Variants in PTPRN2 observed in about 807,000 individuals in gnomAD.
PTPRN2 encodes receptor-type tyrosine-protein phosphatase N2.
A neutral mutation model predicts 118.8 loss-of-function variants in PTPRN2; 74 were observed. The ratio of observed to expected loss-of-function variants is 0.62; its 90% CI spans 0.52 to 0.76. The LOEUF (loss-of-function observed/expected upper bound fraction) is 0.76. PTPRN2 is among the 30% of genes least tolerant of loss of function. The pLI is 0.00. For missense variants in PTPRN2, 1,481 were observed against 1,394.4 expected, an observed-to-expected ratio of 1.06 and a Z score of -0.99; for synonymous variants, 641 against 608.0, an observed-to-expected ratio of 1.05 and a Z score of -0.80.
intron 2 of PTPRN2, among the ~76,000 whole-genome samples, chr7:158,352,228 T>TCCGCTCCCCTCCTGA (rs1808037495): frequency 1.3e-3 from 1 of 800 alleles, no homozygotes; most frequent in Admixed American, 8.1e-3. Context: ...TCCCCTCCTG[T>TCCGCTCCCCTCCTGA]CCGCTCCCCT....
At chr7:157,795,991 C>T (rs1804847127) in intron 12 of PTPRN2, among the ~76,000 whole-genome samples, 1 of 152,238 alleles carries the variant, frequency 6.6e-6, no homozygotes, top group East Asian at 1.9e-4. Flanking sequence ...TTGGGAGAGG[C>T]CCTATGGTGC....
chr7:158,523,487 T>C (rs748666501), intron 1 of PTPRN2, among the ~76,000 whole-genome samples: 13,366 of 69,294 alleles, frequency 0.19, 1,381 homozygotes, highest in South Asian at 0.35. Context: ...TGCCCTGGAG[T>C]GGAGTCGTCT....
chr7:158,071,450 C>CGTGGTGGAGGTGCTCGTG (rs753363067), intron 11 of PTPRN2, among the ~76,000 whole-genome samples: 1 of 26,868 alleles, frequency 3.7e-5, no homozygotes, highest in East Asian at 1.2e-3. Flanking sequence ...TGGAGGTGCT[C>CGTGGTGGAGGTGCTCGTG]GTGGTTGAGG....
At chr7:158,488,590 C>G (rs899558366) in intron 2 of PTPRN2, among the ~76,000 whole-genome samples, 38 of 152,342 alleles carry the variant, frequency 2.5e-4, no homozygotes, top group Admixed American at 1.7e-3. Flanking sequence ...CCTCGGCTCC[C>G]CCTGGATGCA....
rs1180300750 is a variant in PTPRN2 at position 157,785,962 on chromosome 7, C to G, written c.1789-103025G>C. Among the ~76,000 whole-genome samples, 2 of 150,464 alleles carry G rather than the reference C, an allele frequency of 1.3e-5. No homozygotes were observed. The highest frequency in any genetic ancestry group is 3.0e-5 in the Non-Finnish European group (2 of 67,794). On this transcript the variant is annotated intron_variant, in intron 12 of 22. Coordinates refer to ENST00000389418, the MANE Select transcript of PTPRN2 (RefSeq NM_002847.5). This position sits in a 1 kb window ranked among gnomAD's most constrained non-coding sequence, Gnocchi z 7.3. ...GCCGGGTGGGGATGGCTGCAGGGAC[C>G]CCCTGGGCCGGCTCTGGGTGCTGCT... is the stretch of plus-strand genomic sequence containing the variant.
intron 12 of PTPRN2, among the ~76,000 whole-genome samples, chr7:157,702,027 A>G (rs1449126282): frequency 6.9e-6 from 1 of 144,536 alleles, no homozygotes; most frequent in Middle Eastern, 3.7e-3. Flanking sequence ...CGGGCTGTGC[A>G]TTTATAAGAA....
chr7:157,869,812 G>A lies in PTPRN2; in HGVS notation c.1788+28861C>T, dbSNP rs1468775376. Reference sequence around the variant, plus strand: ...CTTTCCCAGGCATTTTTCTGCTAAAGTTTTTATAACTTTCTCAAAACACCC... The same window carrying A: ...CTTTCCCAGGCATTTTTCTGCTAAAATTTTTATAACTTTCTCAAAACACCC... On this transcript the variant is annotated intron_variant, in intron 12 of 22. Transcript: ENST00000389418. This position sits in a 1 kb window ranked among gnomAD's most constrained non-coding sequence, Gnocchi z 4.2. Among the ~76,000 whole-genome samples the A allele has an allele frequency of 6.6e-6, 1 of 152,160 alleles. No individual in the cohort carries two copies.
At chr7:157,577,192 C>T (rs996973716) in intron 18 of PTPRN2, among the ~76,000 whole-genome samples, 7 of 152,186 alleles carry the variant, frequency 4.6e-5, no homozygotes, top group African/African-American at 1.4e-4. Context: ...AGTGAGACTC[C>T]GTCGCAGCTG....
chr7:158,163,963 T>C (rs79744070), intron 6 of PTPRN2, among the ~76,000 whole-genome samples: 5,211 of 152,266 alleles, frequency 0.034, 268 homozygotes, highest in African/African-American at 0.11. Flanking sequence ...CTATTTGCCG[T>C]TTTACATGAG....
chr7:157,873,511 C>T (rs1444618012), intron 12 of PTPRN2, among the ~76,000 whole-genome samples: 8 of 150,612 alleles, frequency 5.3e-5, no homozygotes, highest in South Asian at 2.1e-4. Flanking sequence ...CCGTGGGGGC[C>T]GGGAGGAGAA....
rs1260890487 is a variant in PTPRN2 at position 157,787,521 on chromosome 7, G to GA, written c.1789-104585dup. Among the ~76,000 whole-genome samples, 1 of 152,172 alleles carries GA rather than the reference G, an allele frequency of 6.6e-6. No homozygotes were observed. The highest frequency in any genetic ancestry group is 1.5e-5 in the Non-Finnish European group (1 of 68,004). ...TTCCCCACAGTCTAGGGGGCCAGGA[G>GA]AGCCCCTGGGCCTCACGTCCTGCTT... On this transcript the variant is annotated intron_variant, in intron 12 of 22. Coordinates refer to ENST00000389418, the MANE Select transcript of PTPRN2 (RefSeq NM_002847.5). This position sits in a 1 kb window ranked among gnomAD's most constrained non-coding sequence, Gnocchi z 5.3.
chr7:158,409,425 G>A (rs1029672824), intron 2 of PTPRN2, among the ~76,000 whole-genome samples: 10 of 152,232 alleles, frequency 6.6e-5, no homozygotes, highest in African/African-American at 2.2e-4. Context: ...CCAGGCATGA[G>A]CGTGGAGAGG....
intron 1 of PTPRN2, among the ~76,000 whole-genome samples, chr7:158,548,735 C>A (rs1826450346): frequency 6.6e-6 from 1 of 152,230 alleles, no homozygotes; most frequent in Admixed American, 6.5e-5. Context: ...ACTCCCCCAG[C>A]ATGACTCTAA....
chr7:157,717,503 C>T (rs6459804), intron 12 of PTPRN2, among the ~76,000 whole-genome samples: 66,445 of 152,200 alleles, frequency 0.44, 14,932 homozygotes, highest in African/African-American at 0.52. Flanking sequence ...TGCAATTGAC[C>T]GCGGAAGCCA....
chr7:158,295,737 AC>A (rs1247024936), intron 3 of PTPRN2, among the ~76,000 whole-genome samples: 1 of 144,838 alleles, frequency 6.9e-6, no homozygotes, highest in Non-Finnish European at 1.5e-5. Context: ...GTGCCTGCTG[AC>A]CCTGCCTGTC....
intron 12 of PTPRN2, among the ~76,000 whole-genome samples, chr7:157,712,284 A>C (rs777030395): frequency 5.3e-5 from 8 of 152,212 alleles, no homozygotes; most frequent in Non-Finnish European, 1.2e-4. Context: ...GAAAACCCTC[A>C]TTGAGCTCTT....
chr7:158,084,208 C>A (rs573281699), intron 10 of PTPRN2, among the ~76,000 whole-genome samples: 376 of 152,316 alleles, frequency 2.5e-3, no homozygotes, highest in African/African-American at 7.9e-3. Flanking sequence ...CTGCCCCCAG[C>A]ACCATCAGCA....
chr7:158,201,057 G>T (rs59787925), intron 4 of PTPRN2, among the ~76,000 whole-genome samples: 72,207 of 147,824 alleles, frequency 0.49, 18,915 homozygotes, highest in African/African-American at 0.71. Flanking sequence ...AAAAAAAGTG[G>T]TTTTTTTTTT....
chr7:158,291,555 C>T (rs983199544), intron 3 of PTPRN2, among the ~76,000 whole-genome samples: 4 of 152,096 alleles, frequency 2.6e-5, no homozygotes, highest in African/African-American at 9.7e-5. Flanking sequence ...AGTTAAGATT[C>T]ACTGGGTAAA....
Sources: gnomAD v4.1 joint callset for allele counts (sites outside exome capture counted in the v4.1 genomes callset) on GRCh38, gnomAD v4.1.1 for gene constraint, Gnocchi (gnomAD v3.1) non-coding constraint, MANE v1.5 for transcripts, NCBI Gene and HGNC (gene_info 2026-07-23, HGNC 2026-07-21) for gene names.